The following MSH4 variants were observed in gnomAD, a reference collection of about 807,000 sequenced individuals.
MSH4 encodes the protein mutS homolog 4.
MSH4 carries 106 observed loss-of-function variants against 113.7 expected under a neutral mutation model. That is an observed-to-expected ratio of 0.93 (90% CI 0.80 to 1.10). MSH4 has a LOEUF of 1.10. Among genes scored for constraint, MSH4 ranks in the 50% least tolerant of loss-of-function variants. The pLI, the probability that MSH4 is intolerant of heterozygous loss-of-function variation, is 0.00. For missense variants in MSH4, 1,061 were observed against 1,093.7 expected, an observed-to-expected ratio of 0.97 and a Z score of 0.42; for synonymous variants, 368 against 380.2, an observed-to-expected ratio of 0.97 and a Z score of 0.37.
At chr1:75,817,708 T>C (rs564566991) in intron 6 of MSH4, among the ~76,000 whole-genome samples, 1 of 152,152 alleles carries the variant, frequency 6.6e-6, no homozygotes, top group Non-Finnish European at 1.5e-5. Context: ...GCTTGCTGCC[T>C]GTTCAGTGCA....
chr1:75,888,176 A>G (rs1157114796), intron 15 of MSH4, among the ~76,000 whole-genome samples: 3 of 151,178 alleles, frequency 2.0e-5, no homozygotes, highest in Non-Finnish European at 4.4e-5. Flanking sequence ...GTTAAGCCCT[A>G]TTCTTTACCC....
chr1:75,907,615 C>A (rs1247083939), intron 19 of MSH4, among the ~76,000 whole-genome samples: 1 of 148,532 alleles, frequency 6.7e-6, no homozygotes, highest in African/African-American at 2.5e-5. Context: ...TTTCTCAATT[C>A]TCTCTTGAAC....
At chr1:75,819,152 C>T (rs1320924272) in intron 6 of MSH4, among the ~76,000 whole-genome samples, 1 of 152,010 alleles carries the variant, frequency 6.6e-6, no homozygotes, top group African/African-American at 2.4e-5. Flanking sequence ...TTTATTTCCC[C>T]TCGCTCTTTG....
chr1:75,892,346 G>A (rs548793887), intron 17 of MSH4, among the ~76,000 whole-genome samples: 2 of 151,614 alleles, frequency 1.3e-5, no homozygotes, highest in African/African-American at 4.8e-5. Flanking sequence ...AGTTTCTTAT[G>A]ATGAATCTCT....
chr1:75,857,892 C>A (rs1387540418), intron 8 of MSH4, among the ~76,000 whole-genome samples: 1 of 152,116 alleles, frequency 6.6e-6, no homozygotes, highest in African/African-American at 2.4e-5. Flanking sequence ...TTCTTCTTAT[C>A]CATGAGCATG....
At position 75,815,085 on chromosome 1, in the gene MSH4, A is replaced by C. The variant is rs756348001; in HGVS notation, c.764A>C (p.Glu255Ala). Residue 255 changes from glutamate to alanine, a missense_variant, in exon 5 of 20, where the codon GAA becomes GCA. Physicochemically the swap from Glu to Ala is moderately radical, Grantham distance 107 (BLOSUM62 -1). Transcript: ENST00000263187. ...GAAACAAAAGGATTAGAGTACATTGAACAGTTATGCATAGCAGAATTCAGC... is the reference window on the plus strand; with the variant it reads ...GAAACAAAAGGATTAGAGTACATTGCACAGTTATGCATAGCAGAATTCAGC... ...FNETKGLEYI[E>A]QLCIAEFSTV... 1.9e-5 allele frequency: 30 copies of C among 1,607,786 alleles called. No individual in the cohort carries two copies. The Admixed American group carries it at 4.4e-4, about 24-fold the overall frequency.
At chr1:75,907,118 T>C (rs1488761173) in intron 19 of MSH4, among the ~76,000 whole-genome samples, 7 of 152,116 alleles carry the variant, frequency 4.6e-5, no homozygotes, top group Non-Finnish European at 8.8e-5. Flanking sequence ...GTTTGTTTGT[T>C]TGTCTTTTGC....
intron 8 of MSH4, among the ~76,000 whole-genome samples, chr1:75,862,326 T>G (rs2100557217): frequency 6.6e-6 from 1 of 152,258 alleles, no homozygotes; most frequent in African/African-American, 2.4e-5. Context: ...ATGAATCAGG[T>G]ACCTCAGTTG....
intron 9 of MSH4, among the ~76,000 whole-genome samples, chr1:75,868,661 T>C (rs35857029): frequency 0.047 from 7,149 of 152,270 alleles, 207 homozygotes; most frequent in African/African-American, 0.064. Context: ...GTGGAGATAA[T>C]TGAATCATGG....
chr1:75,881,762 C>T (rs762636589), intron 14 of MSH4, among the ~76,000 whole-genome samples: 2 of 151,978 alleles, frequency 1.3e-5, no homozygotes, highest in African/African-American at 4.8e-5. Flanking sequence ...TTTTAATCCA[C>T]TAGCTCTTTA....
chr1:75,890,802 G>A lies in MSH4; in HGVS notation c.2333G>A (p.Cys778Tyr). 1.3e-6 allele frequency: 2 copies of A among 1,599,462 alleles called. No individual in the cohort carries two copies. Among genetic ancestry groups the A allele is most frequent in the East Asian group, 4.5e-5 (2 of 44,514 alleles). The change falls in exon 17 of 20, where the codon TGT becomes TAT. Residue 778 changes from cysteine (C) to tyrosine (Y), a missense_variant. By Grantham distance (194) the Cys-to-Tyr change is radical. Coordinates refer to ENST00000263187, the MANE Select transcript of MSH4 (RefSeq NM_002440.4). ...GGTATTGGCATTTGTTATGCTGTTT[G>A]TGAATATCTACTGAGCTTAAAGGTA... Reference protein sequence around the residue: ...EEGIGICYAVCEYLLSLKAFT... With the variant: ...EEGIGICYAVYEYLLSLKAFT...
rs1650442051 is a variant in MSH4, at chr1:75,822,462, G to A, written c.1043G>A (p.Ser348Asn). Residue 348 changes from serine (S) to asparagine (N), a missense_variant, in exon 7 of 20, where the codon AGT becomes AAT. Ser to Asn is a conservative substitution (Grantham distance 46). Coordinates refer to ENST00000263187, the MANE Select transcript of MSH4 (RefSeq NM_002440.4). ...VLNYTKTPGG[S>N]RRLRSNILEP... ...AATTATACTAAGACTCCTGGAGGGA[G>A]TAGACGACTTCGTTCTAATATATTA... is the stretch of plus-strand genomic sequence containing the variant. 1.3e-6 allele frequency: 2 copies of A among 1,587,182 alleles called. No homozygotes were observed. The highest frequency in any genetic ancestry group is 1.4e-5 in the African/African-American group (1 of 73,050).
chr1:75,896,828 A>G (rs761757634), intron 17 of MSH4, among the ~76,000 whole-genome samples: 20 of 152,130 alleles, frequency 1.3e-4, no homozygotes, highest in Non-Finnish European at 2.4e-4. Flanking sequence ...TTTTAAGGAC[A>G]TTATTGTTAT....
At position 75,848,255 on chromosome 1, in the gene MSH4, C is replaced by A; in HGVS notation, c.1209C>A (p.Val403=). 6.2e-7 allele frequency: 1 copy of A among 1,606,380 alleles called. No homozygotes were observed. The highest frequency in any genetic ancestry group is 8.5e-7 in the Non-Finnish European group (1 of 1,174,140). Residue 403 remains valine (V), a synonymous_variant, in exon 8 of 20, where the codon GTC becomes GTA. Coordinates refer to ENST00000263187, the MANE Select transcript of MSH4 (RefSeq NM_002440.4). The part of the protein sequence containing the change: ...LDTEQLLSVL[V]QIPKQDTVNA... ...CAGAGCAGCTTCTTTCTGTTTTAGT[C>A]CAAATTCCAAAGCAAGACACGGTAT... is the stretch of plus-strand genomic sequence containing the variant.
intron 19 of MSH4, among the ~76,000 whole-genome samples, chr1:75,911,633 C>T (rs1177731867): frequency 6.6e-6 from 1 of 151,794 alleles, no homozygotes; most frequent in African/African-American, 2.4e-5. Flanking sequence ...TTTTGTATCC[C>T]CCATAGATAT....
intron 15 of MSH4, among the ~76,000 whole-genome samples, chr1:75,886,540 TATC>T (rs1226332120): frequency 5.6e-5 from 6 of 107,888 alleles, no homozygotes; most frequent in Non-Finnish European, 8.8e-5. Flanking sequence ...TATATATTAT[TATC>T]TATTATATAC....
intron 9 of MSH4, among the ~76,000 whole-genome samples, chr1:75,872,803 A>G (rs915848420): frequency 3.9e-5 from 6 of 152,258 alleles, no homozygotes; most frequent in African/African-American, 1.4e-4. Flanking sequence ...ATAGTGATTG[A>G]GCATCTGCTG....
intron 15 of MSH4, among the ~76,000 whole-genome samples, chr1:75,885,353 A>G (rs1377568147): frequency 1.6e-5 from 2 of 128,102 alleles, no homozygotes; most frequent in African/African-American, 6.1e-5. Flanking sequence ...ATATATATAT[A>G]TATAAAGGTA....
At chr1:75,911,443 T>C (rs546393912) in intron 19 of MSH4, among the ~76,000 whole-genome samples, 1 of 152,262 alleles carries the variant, frequency 6.6e-6, no homozygotes, top group Non-Finnish European at 1.5e-5. Flanking sequence ...CAATACTCCA[T>C]CCTATTCAAG....
Sources: allele counts gnomAD v4.1 joint callset (sites outside exome capture counted in the v4.1 genomes callset), GRCh38; gene constraint gnomAD v4.1.1; transcripts MANE v1.5; gene names NCBI Gene and HGNC (gene_info 2026-07-23, HGNC 2026-07-21).